SLC6A6: variants seen among roughly 807,000 people sequenced by gnomAD.
The protein encoded by SLC6A6 is solute carrier family 6 member 6, also known as sodium- and chloride-dependent taurine transporter.
SLC6A6 carries 16 observed loss-of-function variants against 68.8 expected under a neutral mutation model. The ratio of observed to expected loss-of-function variants is 0.23; its 90% CI spans 0.16 to 0.35. The LOEUF is 0.35. SLC6A6 is among the 10% of genes least tolerant of loss of function. SLC6A6 has a pLI of 1.00. For missense variants in SLC6A6, 474 were observed against 802.8 expected (o/e 0.59, Z 4.95); for synonymous variants, 312 against 315.4 (o/e 0.99, Z 0.12).
chr3:14,452,201 G>T (rs559477192), intron 5 of SLC6A6, among the ~76,000 whole-genome samples: 10 of 152,268 alleles, frequency 6.6e-5, no homozygotes, highest in East Asian at 1.9e-4. Context: ...CTTTCCTTGT[G>T]GGGGGAGACA....
intron 2 of SLC6A6, among the ~76,000 whole-genome samples, chr3:14,441,581 C>T (rs951471703): frequency 6.6e-6 from 1 of 152,178 alleles, no homozygotes; most frequent in African/African-American, 2.4e-5. Context: ...CACCCCGAGC[C>T]AGGGAGAGGA....
intron 10 of SLC6A6, among the ~76,000 whole-genome samples, chr3:14,476,823 C>T (rs1295977351): frequency 6.6e-6 from 1 of 152,216 alleles, no homozygotes; most frequent in African/African-American, 2.4e-5. Context: ...CATATATGCC[C>T]CTGAATGTGC....
At chr3:14,449,407 C>A (rs953623016) in intron 5 of SLC6A6, among the ~76,000 whole-genome samples, 1 of 152,222 alleles carries the variant, frequency 6.6e-6, no homozygotes, top group African/African-American at 2.4e-5. Context: ...GCTGGCACTT[C>A]CTTTTTCTCA....
At chr3:14,441,352 G>A (rs1574934352) in intron 2 of SLC6A6, among the ~76,000 whole-genome samples, 1 of 151,950 alleles carries the variant, frequency 6.6e-6, no homozygotes, top group East Asian at 2.0e-4. Context: ...CCATCGGGGG[G>A]CTGTGCAAGT....
In SLC6A6 at chr3:14,485,471, T is replaced by C. The variant is rs2125003605; in HGVS notation, c.*464T>C. On this transcript the variant is annotated 3_prime_UTR_variant, in exon 15 of 15. Transcript: ENST00000622186. The stretch of plus-strand genomic sequence containing the variant: ...AAAGTTCTGTCCAGTAAACGCAGGA[T>C]GGAATTTTCCTGGGACTCTACACCC... 6.5e-6 allele frequency: 1 copy of C among 154,200 alleles called. No individual in the cohort carries two copies. Among genetic ancestry groups the C allele is most frequent in the Admixed American group, 6.4e-5 (1 of 15,548 alleles). The allele number at this position is 154,200 out of a possible 1,614,324, so 9.6% of individuals were successfully genotyped here.
chr3:14,472,112 G>A lies in SLC6A6; in HGVS notation c.1097-93G>A. On this transcript the variant is annotated intron_variant, in intron 9 of 14. Coordinates refer to ENST00000622186, the MANE Select transcript of SLC6A6 (RefSeq NM_003043.6). This position sits in a 1 kb window ranked among gnomAD's most constrained non-coding sequence, Gnocchi z 4.5. ...AGACCTGGCTCCCTGCTGTATTTGGGTCTGAGTGTCTTTGTGTGAGCCCAG... is the reference window on the plus strand; with the variant it reads ...AGACCTGGCTCCCTGCTGTATTTGGATCTGAGTGTCTTTGTGTGAGCCCAG... The A allele has an allele frequency of 2.6e-6, 2 of 755,470 alleles. No individual in the cohort carries two copies. The highest frequency in any genetic ancestry group is 2.1e-5 in the Admixed American group (1 of 48,194). 46.8% of individuals were successfully genotyped at this position (755,470 alleles called of 1,614,324 possible).
At position 14,450,214 on chromosome 3, in the gene SLC6A6, A is replaced by G. The variant is rs1297498369; in HGVS notation, c.599+2398A>G. ...GTTGTCTAGGACCCAGGGGTCTTAGAGAGGGAACACTTGGGAGCAATGTGA... is the reference window on the plus strand; with the variant it reads ...GTTGTCTAGGACCCAGGGGTCTTAGGGAGGGAACACTTGGGAGCAATGTGA... On this transcript the variant is annotated intron_variant, in intron 5 of 14. Transcript: ENST00000622186. This position sits in a 1 kb window ranked among gnomAD's most constrained non-coding sequence, Gnocchi z 4.1. Among the ~76,000 whole-genome samples, 2 of 151,932 alleles carry G rather than the reference A, an allele frequency of 1.3e-5. No homozygotes were observed. The highest frequency in any genetic ancestry group is 2.9e-5 in the Non-Finnish European group (2 of 67,992).
intron 9 of SLC6A6, among the ~76,000 whole-genome samples, chr3:14,469,575 C>T (rs1019051869): frequency 1.3e-5 from 2 of 152,236 alleles, no homozygotes; most frequent in African/African-American, 4.8e-5. Context: ...GGGGCTACAA[C>T]AGGGCTTTCT....
intron 1 of SLC6A6, among the ~76,000 whole-genome samples, chr3:14,413,936 T>G (rs975051766): frequency 2.0e-5 from 3 of 152,260 alleles, no homozygotes; most frequent in Non-Finnish European, 2.9e-5. Context: ...CAGTTTTATT[T>G]TTTTTATTTA....
intron 10 of SLC6A6, among the ~76,000 whole-genome samples, chr3:14,473,654 A>G (rs567836377): frequency 5.3e-5 from 8 of 152,172 alleles, no homozygotes; most frequent in Non-Finnish European, 1.2e-4. Context: ...AGCAGAGAAG[A>G]CAGAACGAAA....
chr3:14,430,923 A>C (rs556295470), intron 2 of SLC6A6, among the ~76,000 whole-genome samples: 71 of 152,170 alleles, frequency 4.7e-4, no homozygotes, highest in Admixed American at 1.1e-3. Flanking sequence ...CAGTTTCCTC[A>C]TCTGTAAAAT....
Position 14,481,103 on chromosome 3 carries a change from GAC to G in SLC6A6, c.1552-560_1552-559del, listed in dbSNP as rs1224418033. Among the ~76,000 whole-genome samples the G allele has an allele frequency of 2.0e-5, 3 of 152,246 alleles. No homozygotes were observed. The highest frequency in any genetic ancestry group is 2.1e-4 in the South Asian group (1 of 4,832). On this transcript the variant is annotated intron_variant, in intron 13 of 14. Transcript: ENST00000622186. This position sits in a 1 kb window ranked among gnomAD's most constrained non-coding sequence, Gnocchi z 4.7. Reference sequence around the variant, plus strand: ...ACTGGGTGTTAAAGAACTAGGACAAGACACACACATTCCTACTCTCAGACTCA... The same window carrying G: ...ACTGGGTGTTAAAGAACTAGGACAAGACACACATTCCTACTCTCAGACTCA...
intron 5 of SLC6A6, among the ~76,000 whole-genome samples, chr3:14,452,637 C>T (rs1321283948): frequency 6.6e-6 from 1 of 150,816 alleles, no homozygotes; most frequent in African/African-American, 2.5e-5. Flanking sequence ...TCGGCCTGGA[C>T]CCCCTACACC....
chr3:14,438,921 C>T (rs1300413024), intron 2 of SLC6A6, among the ~76,000 whole-genome samples: 1 of 152,214 alleles, frequency 6.6e-6, no homozygotes, highest in East Asian at 1.9e-4. Context: ...ACTCTCGAGC[C>T]TCTGGGAAGG....
chr3:14,466,593 G>A lies in SLC6A6; in HGVS notation c.810G>A (p.Ala270=), dbSNP rs768739430. The A allele has an allele frequency of 2.8e-5, 45 of 1,612,722 alleles. 1 individual carries two copies. The highest frequency in any genetic ancestry group is 2.4e-4 in the South Asian group (22 of 90,950). The change falls in exon 7 of 15, where the codon GCG becomes GCA. Residue 270 remains alanine, a synonymous_variant. Transcript: ENST00000622186. Reference sequence around the variant, plus strand: ...TCCGAGGGCTGACGCTGCCGGGCGCGGGCGCAGGCATCAAGTTCTATCTGT... The same window carrying A: ...TCCGAGGGCTGACGCTGCCGGGCGCAGGCGCAGGCATCAAGTTCTATCTGT... ...LLVRGLTLPG[A]GAGIKFYLYP...
chr3:14,441,769 G>A (rs1699994533), intron 2 of SLC6A6, among the ~76,000 whole-genome samples: 1 of 152,258 alleles, frequency 6.6e-6, no homozygotes, highest in African/African-American at 2.4e-5. Context: ...TGACTCGCCT[G>A]GTCACAGGAT....
rs764541234 is a variant in SLC6A6, at chr3:14,485,236, C to T, written c.*229C>T. On this transcript the variant is annotated 3_prime_UTR_variant, in exon 15 of 15. Coordinates refer to ENST00000622186, the MANE Select transcript of SLC6A6 (RefSeq NM_003043.6). ...ATATTTTGTACAAAAAGAAAACCCA[C>T]GGGAAGATGTCCGTGGAGAGGCAGA... is the stretch of plus-strand genomic sequence containing the variant. 8.8e-5 allele frequency: 33 copies of T among 376,914 alleles called. No individual in the cohort carries two copies. The highest frequency in any genetic ancestry group is 3.7e-4 in the African/African-American group (18 of 48,132). The allele number at this position is 376,914 out of a possible 1,614,324, so 23.3% of individuals were successfully genotyped here.
At chr3:14,419,631 A>G (rs895377084) in intron 2 of SLC6A6, among the ~76,000 whole-genome samples, 1 of 152,184 alleles carries the variant, frequency 6.6e-6, no homozygotes, top group African/African-American at 2.4e-5. Flanking sequence ...AAATGGAGCA[A>G]TAGTGGCACC....
At chr3:14,448,218 G>A in intron 5 of SLC6A6, 1 of 390,476 alleles carries the variant, frequency 2.6e-6, no homozygotes, top group Non-Finnish European at 3.7e-6. Context: ...TAGTTAAGTG[G>A]AAAGTGAGTA....
Sources: allele counts gnomAD v4.1 joint callset (sites outside exome capture counted in the v4.1 genomes callset), GRCh38; gene constraint gnomAD v4.1.1; non-coding constraint Gnocchi (gnomAD v3.1); transcripts MANE v1.5; gene names NCBI Gene and HGNC (gene_info 2026-07-23, HGNC 2026-07-21).